The following SMAP2 variants were observed in gnomAD, a reference collection of about 807,000 sequenced individuals.
SMAP2 encodes stromal membrane-associated protein 2.
Under a neutral mutation model 56.4 loss-of-function variants are expected in SMAP2, and 25 were observed. The observed-to-expected ratio is 0.44, with a 90% CI of 0.32 to 0.62. The LOEUF (loss-of-function observed/expected upper bound fraction) is 0.62. SMAP2 is among the 20% of genes least tolerant of loss of function. The pLI, the probability that SMAP2 is intolerant of heterozygous loss-of-function variation, is 0.04. For synonymous variants in SMAP2, 157 were observed against 181.7 expected (o/e 0.86, Z 1.09); for missense variants, 388 against 545.6 (o/e 0.71, Z 2.88).
chr1:40,371,177 A>C (rs1053230478), upstream of SMAP2, among the ~76,000 whole-genome samples: 3 of 152,222 alleles, frequency 2.0e-5, no homozygotes, highest in African/African-American at 7.2e-5. Flanking sequence ...GTCTCAAAAA[A>C]AAAAATTTTA....
At chr1:40,384,193 A>G (rs955207562) in intron 1 of SMAP2, among the ~76,000 whole-genome samples, 1 of 152,182 alleles carries the variant, frequency 6.6e-6, no homozygotes, top group African/African-American at 2.4e-5. Context: ...TGAGCCACCA[A>G]GGCCGGGCCT....
intron 1 of SMAP2, among the ~76,000 whole-genome samples, chr1:40,347,096 T>G (rs957326073): frequency 2.0e-5 from 3 of 151,704 alleles, no homozygotes; most frequent in Non-Finnish European, 4.4e-5. Flanking sequence ...CAGGCCAGAG[T>G]GCGGTGGCAT....
chr1:40,347,592 T>A (rs1644394509), intron 1 of SMAP2, among the ~76,000 whole-genome samples: 1 of 152,148 alleles, frequency 6.6e-6, no homozygotes. Flanking sequence ...AACCTCCACC[T>A]CCCAGGTTCA....
At chr1:40,355,711 C>T (rs1317128960) in intron 1 of SMAP2, among the ~76,000 whole-genome samples, 2 of 152,070 alleles carry the variant, frequency 1.3e-5, no homozygotes, top group Admixed American at 1.3e-4. Flanking sequence ...CAGCCTTGAC[C>T]TCCCAGGCTC....
intron 8 of SMAP2, among the ~76,000 whole-genome samples, chr1:40,416,556 C>T (rs998550458): frequency 1.3e-5 from 2 of 152,130 alleles, no homozygotes; most frequent in Non-Finnish European, 2.9e-5. Context: ...TGAAGTCTAG[C>T]TCAAGGTCTG....
At chr1:40,415,564 T>C (rs888877417) in intron 7 of SMAP2, among the ~76,000 whole-genome samples, 183 bp downstream of exon 7, 3 of 152,188 alleles carry the variant, frequency 2.0e-5, no homozygotes, top group African/African-American at 2.4e-5. Flanking sequence ...ATGCCTTTTT[T>C]TCTCCTGCTC....
Position 40,374,620 on chromosome 1 carries a change from TGTGTGAGA to T in SMAP2, c.103+399_103+406del. ...GCGTGTGTGTGTGTGTGTGTGTGTGTGTGTGAGAGAGAGAGAGAGAGAATGACGAGGAG... is the reference window on the plus strand; with the variant it reads ...GCGTGTGTGTGTGTGTGTGTGTGTGTGAGAGAGAGAGAGAATGACGAGGAG... On this transcript the variant is annotated intron_variant, in intron 1 of 9. Coordinates refer to ENST00000372718, the MANE Select transcript of SMAP2 (RefSeq NM_022733.3). The surrounding 1 kb of genome is among the most constrained non-coding windows in gnomAD (Gnocchi z 5.9). 2 of 1,340,710 alleles carry T rather than the reference TGTGTGAGA, an allele frequency of 1.5e-6. No individual in the cohort carries two copies. Among genetic ancestry groups the T allele is most frequent in the African/African-American group, 1.5e-5 (1 of 65,500 alleles). 83.1% of individuals were successfully genotyped at this position (1,340,710 alleles called of 1,614,324 possible).
intron 1 of SMAP2, among the ~76,000 whole-genome samples, chr1:40,400,460 G>T (rs976778393): frequency 3.3e-5 from 5 of 152,142 alleles, no homozygotes; most frequent in Admixed American, 6.5e-5. Context: ...GCTATTAGGA[G>T]GTTATTGCAG....
chr1:40,360,004 CTTT>C (rs775408458), intron 1 of SMAP2, among the ~76,000 whole-genome samples: 231 of 102,492 alleles, frequency 2.3e-3, no homozygotes, highest in Non-Finnish European at 3.3e-3. Flanking sequence ...CTTCTTCTTT[CTTT>C]TTTTTTTTTT....
intron 6 of SMAP2, 71 bp from the exon 7 acceptor site, chr1:40,415,201 T>C: frequency 8.3e-7 from 1 of 1,203,734 alleles, no homozygotes; most frequent in East Asian, 2.3e-5. Context: ...CCTTTGCTTT[T>C]TGTCTAGAAT....
chr1:40,393,231 TG>T, intron 1 of SMAP2: 1 of 1,228,584 alleles, frequency 8.1e-7, no homozygotes, highest in Non-Finnish European at 1.1e-6. Context: ...GAAGCTGAGG[TG>T]GGAGGATTGC....
intron 1 of SMAP2, among the ~76,000 whole-genome samples, chr1:40,401,292 G>A (rs1473295994): frequency 6.6e-6 from 1 of 151,956 alleles, no homozygotes; most frequent in Non-Finnish European, 1.5e-5. Flanking sequence ...AAAAAAGAAC[G>A]AATGCTTATA....
intron 9 of SMAP2, among the ~76,000 whole-genome samples, chr1:40,417,712 C>G: frequency 6.6e-6 from 1 of 151,998 alleles, no homozygotes; most frequent in East Asian, 1.9e-4. Flanking sequence ...CATTGCTTCT[C>G]GGGGAGATGG....
chr1:40,355,126 C>G (rs1208473513), intron 1 of SMAP2, among the ~76,000 whole-genome samples: 1 of 152,002 alleles, frequency 6.6e-6, no homozygotes, highest in East Asian at 1.9e-4. Context: ...CACCCTTATG[C>G]TGATACTGAT....
intron 1 of SMAP2, among the ~76,000 whole-genome samples, chr1:40,376,847 G>A (rs1273195676): frequency 6.6e-6 from 1 of 152,224 alleles, no homozygotes; most frequent in African/African-American, 2.4e-5. Context: ...TATCCAGTTA[G>A]ATGATGTGGC....
chr1:40,400,624 T>G (rs1644823462), intron 1 of SMAP2, among the ~76,000 whole-genome samples: 1 of 152,152 alleles, frequency 6.6e-6, no homozygotes, highest in African/African-American at 2.4e-5. Context: ...CGCAATGGAA[T>G]GGATGGAGGT....
Position 40,413,062 on chromosome 1 carries a change from A to G in SMAP2, c.449A>G (p.Glu150Gly). ...KWKRGSEPVP[E>G]KKLEPVVFEK... The stretch of plus-strand genomic sequence containing the variant: ...AAAAGAGGGAGCGAACCAGTTCCAG[A>G]AAAAAAATTGGAACCTGTTGTTTTT... The change falls in exon 5 of 10, where the codon GAA becomes GGA. Residue 150 changes from glutamate to glycine, a missense_variant. Transcript: ENST00000372718. The G allele has an allele frequency of 6.2e-7, 1 of 1,612,644 alleles. No homozygotes were observed. The highest frequency in any genetic ancestry group is 1.3e-5 in the African/African-American group (1 of 74,950).
rs2124246098 is a variant in SMAP2, at chr1:40,385,055, GC to G, written c.103+10836del. Among the ~76,000 whole-genome samples the G allele has an allele frequency of 6.6e-6, 1 of 152,162 alleles. No homozygotes were observed. The highest frequency in any genetic ancestry group is 1.9e-4 in the East Asian group (1 of 5,168). ...ACTGCAGGTCTCTCCCCAGTGGAAA[GC>G]CCCAGAGATGAGCCAGATCTGCCTC... On this transcript the variant is annotated intron_variant, in intron 1 of 9. Coordinates refer to ENST00000372718, the MANE Select transcript of SMAP2 (RefSeq NM_022733.3). This position sits in a 1 kb window ranked among gnomAD's most constrained non-coding sequence, Gnocchi z 4.5.
At chr1:40,357,203 C>T (rs1411413096) in intron 1 of SMAP2, among the ~76,000 whole-genome samples, 1 of 151,976 alleles carries the variant, frequency 6.6e-6, no homozygotes, top group Non-Finnish European at 1.5e-5. Flanking sequence ...GTTTCCTGTG[C>T]TTGTGAGGTA....
Sources: allele counts gnomAD v4.1 joint callset (sites outside exome capture counted in the v4.1 genomes callset), GRCh38; gene constraint gnomAD v4.1.1; non-coding constraint Gnocchi (gnomAD v3.1); transcripts MANE v1.5; gene names NCBI Gene and HGNC (gene_info 2026-07-23, HGNC 2026-07-21).